Variants in ZSCAN25 observed in about 807,000 individuals in gnomAD.
The protein encoded by ZSCAN25 is zinc finger and SCAN domain containing 25, also known as zinc finger and SCAN domain-containing protein 25.
A neutral mutation model predicts 38.7 loss-of-function variants in ZSCAN25; 27 were observed. The ratio of observed to expected loss-of-function variants is 0.70; its 90% CI spans 0.51 to 0.96. The LOEUF (loss-of-function observed/expected upper bound fraction) is 0.96. Among genes scored for constraint, ZSCAN25 ranks in the 40% least tolerant of loss-of-function variants. The pLI, the probability that ZSCAN25 is intolerant of heterozygous loss-of-function variation, is 0.00. For missense variants in ZSCAN25, 637 were observed against 705.9 expected (o/e 0.90, Z 1.11); for synonymous variants, 273 against 277.7 (o/e 0.98, Z 0.17).
At chr7:99,722,711 G>A in the ZSCAN25 span, among the ~76,000 whole-genome samples, 2 of 152,150 alleles carry the variant, frequency 1.3e-5, no homozygotes, top group Non-Finnish European at 2.9e-5. Flanking sequence ...TGAGGCTGAG[G>A]GAATGTGAGT....
chr7:99,711,358 T>C, the ZSCAN25 span, among the ~76,000 whole-genome samples: 1 of 152,194 alleles, frequency 6.6e-6, no homozygotes, highest in African/African-American at 2.4e-5. Flanking sequence ...GTATGGAAAA[T>C]TAAAGGACCT....
the ZSCAN25 span, among the ~76,000 whole-genome samples, chr7:99,712,734 T>C: frequency 6.6e-6 from 1 of 152,134 alleles, no homozygotes; most frequent in Admixed American, 6.5e-5. Flanking sequence ...CTACTCCTGC[T>C]CTCTAGAACC....
In ZSCAN25 at chr7:99,623,940, T is replaced by A. The variant is rs1357338222; in HGVS notation, c.682-117T>A. On this transcript the variant is annotated intron_variant, in intron 6 of 7. Coordinates refer to ENST00000394152, the MANE Select transcript of ZSCAN25 (RefSeq NM_145115.3). ...ACTGCAGTGGCTCAAACAAGTGGATTACTCCCATTCAACTGTTGGGAGGAA... is the reference window on the plus strand; with the variant it reads ...ACTGCAGTGGCTCAAACAAGTGGATAACTCCCATTCAACTGTTGGGAGGAA... 2.1e-6 allele frequency: 3 copies of A among 1,421,660 alleles called. No homozygotes were observed. The African/African-American group carries it at 4.2e-5, about 20-fold the overall frequency. The allele number at this position is 1,421,660 out of a possible 1,614,324, so 88.1% of individuals were successfully genotyped here.
At chr7:99,693,835 G>A in the ZSCAN25 span, among the ~76,000 whole-genome samples, 2,880 of 152,260 alleles carry the variant, frequency 0.019, 103 homozygotes, top group African/African-American at 0.065. Flanking sequence ...TTCCTATTCG[G>A]CCATCTTGGA....
At chr7:99,644,379 C>T in the ZSCAN25 span, among the ~76,000 whole-genome samples, 101 of 152,222 alleles carry the variant, frequency 6.6e-4, no homozygotes, top group African/African-American at 2.4e-3. Context: ...CTCTCCTGGC[C>T]TAGGGCACTG....
At chr7:99,621,772 G>C in intron 5 of ZSCAN25, 198 bp downstream of exon 5, 1 of 406,946 alleles carries the variant, frequency 2.5e-6, no homozygotes, top group Non-Finnish European at 4.3e-6. Flanking sequence ...GTGTCTGGAG[G>C]GGATATCTGG....
At chr7:99,623,423 G>A (rs964687787) in intron 6 of ZSCAN25, among the ~76,000 whole-genome samples, 32 of 152,220 alleles carry the variant, frequency 2.1e-4, no homozygotes, top group African/African-American at 7.2e-5. Context: ...TCCACAGGGT[G>A]CTGAGCACTA....
rs1307845496 is a variant in ZSCAN25, at chr7:99,631,519, T to TG, written c.*1501dup. 1.2e-5 allele frequency: 12 copies of TG among 985,494 alleles called. No individual in the cohort carries two copies. In the African/African-American group the frequency reaches 1.9e-4, roughly 16 times the overall value. The allele number at this position is 985,494 out of a possible 1,614,324, so 61.0% of individuals were successfully genotyped here. On this transcript the variant is annotated 3_prime_UTR_variant, in exon 8 of 8. Coordinates refer to ENST00000394152, the MANE Select transcript of ZSCAN25 (RefSeq NM_145115.3). ...GTCATTGTGCTGTGCCTTTGAACCC[T>TG]GGCTGAGTGAGTGAGTTTGTCCTTT...
chr7:99,672,217 A>C, the ZSCAN25 span, among the ~76,000 whole-genome samples: 1 of 151,934 alleles, frequency 6.6e-6, no homozygotes, highest in Non-Finnish European at 1.5e-5. Flanking sequence ...ACACGCAGCT[A>C]ATTTTTGTAT....
chr7:99,672,254 G>A, the ZSCAN25 span, among the ~76,000 whole-genome samples: 1 of 152,156 alleles, frequency 6.6e-6, no homozygotes. Flanking sequence ...GTTTCACCAT[G>A]TTGGTCAGGC....
At chr7:99,634,097 G>T (rs796494148), downstream of ZSCAN25, among the ~76,000 whole-genome samples, 3 of 152,330 alleles carry the variant, frequency 2.0e-5, no homozygotes, top group African/African-American at 7.2e-5. Flanking sequence ...TACACCTTCA[G>T]TGTCTGGCTG....
intron 7 of ZSCAN25, among the ~76,000 whole-genome samples, chr7:99,627,348 T>G (rs1807563598): frequency 1.3e-5 from 2 of 152,010 alleles, no homozygotes; most frequent in Non-Finnish European, 2.9e-5. Flanking sequence ...AGTTTTAATC[T>G]TACTATTCAT....
chr7:99,737,653 T>G, the ZSCAN25 span, among the ~76,000 whole-genome samples: 1 of 152,252 alleles, frequency 6.6e-6, no homozygotes, highest in Non-Finnish European at 1.5e-5. Flanking sequence ...TTATGTTTTC[T>G]TCTTTCCTCT....
chr7:99,707,910 T>C, the ZSCAN25 span: 9 of 1,613,962 alleles, frequency 5.6e-6, no homozygotes, highest in Non-Finnish European at 7.6e-6. Context: ...ATGCAGTTTC[T>C]GGGTCCACTT....
At chr7:99,650,172 G>A in the ZSCAN25 span, 1 of 1,614,142 alleles carries the variant, frequency 6.2e-7, no homozygotes, top group South Asian at 1.1e-5. Flanking sequence ...TGCAGTTTCT[G>A]GGTCCAGTTC....
the ZSCAN25 span, among the ~76,000 whole-genome samples, chr7:99,722,750 T>A: frequency 1.3e-5 from 2 of 152,214 alleles, no homozygotes; most frequent in Admixed American, 6.5e-5. Flanking sequence ...TGCAGTCTTT[T>A]TTCTCTTTGT....
intron 7 of ZSCAN25, among the ~76,000 whole-genome samples, chr7:99,626,761 C>CA (rs1476918546): frequency 6.6e-6 from 1 of 152,190 alleles, no homozygotes; most frequent in East Asian, 1.9e-4. Flanking sequence ...ATATCATGAA[C>CA]CATTGCATTC....
the ZSCAN25 span, chr7:99,660,272 A>G: frequency 1.9e-6 from 2 of 1,048,532 alleles, no homozygotes; most frequent in Admixed American, 5.7e-5. Flanking sequence ...ATAACAGTAA[A>G]CAGGTGAACC....
the ZSCAN25 span, among the ~76,000 whole-genome samples, chr7:99,682,263 C>T: frequency 6.6e-6 from 1 of 152,228 alleles, no homozygotes; most frequent in African/African-American, 2.4e-5. Flanking sequence ...AGCCACGGCA[C>T]TCAGCCAGGT....
Sources: gnomAD v4.1 joint callset for allele counts (sites outside exome capture counted in the v4.1 genomes callset) on GRCh38, gnomAD v4.1.1 for gene constraint, MANE v1.5 for transcripts, NCBI Gene and HGNC (gene_info 2026-07-23, HGNC 2026-07-21) for gene names.